The following LPA variants were observed in gnomAD, a reference collection of about 807,000 sequenced individuals.
The protein encoded by LPA is apolipoprotein(a).
A neutral mutation model predicts 197.9 loss-of-function variants in LPA; 199 were observed. The observed-to-expected ratio is 1.01, with a 90% CI of 0.90 to 1.13. LPA has a LOEUF of 1.13. Among genes scored for constraint, LPA ranks in the 50% most tolerant of loss-of-function variants. The pLI is 0.00. For synonymous variants in LPA, 715 were observed against 639.5 expected (o/e 1.12, Z -1.78); for missense variants, 1,853 against 1,785.8 (o/e 1.04, Z -0.68).
chr6:160,651,811 G>A (rs1196741821), intron 1 of LPA, among the ~76,000 whole-genome samples: 1 of 152,090 alleles, frequency 6.6e-6, no homozygotes, highest in Non-Finnish European at 1.5e-5. Flanking sequence ...TCCATGGATA[G>A]GGGGAGAATT....
At position 160,578,657 on chromosome 6, in the gene LPA, G is replaced by C. The variant is rs1273324292; in HGVS notation, c.4337C>G (p.Pro1446Arg). The change falls in exon 27 of 39, where the codon CCT becomes CGT. Residue 1446 changes from proline (P) to arginine (R), a missense_variant. By Grantham distance (103) the Pro-to-Arg change is moderately radical (BLOSUM62 -2). This residue lies in a region of LPA where 1,737 missense variants were observed against 1,504.4 expected (regional missense o/e 1.15). Coordinates refer to ENST00000316300, the MANE Select transcript of LPA (RefSeq NM_005577.4). ...ACTGGGATCCATGGTGTAACACCAA[G>C]GGCGAATCTCAGCATCTGGATTCCT... Reference protein sequence around the residue: ...YCRNPDAEIRPWCYTMDPSVR... With the variant: ...YCRNPDAEIRRWCYTMDPSVR... 4 of 1,613,816 alleles carry C rather than the reference G, an allele frequency of 2.5e-6. No individual in the cohort carries two copies. In the East Asian group the frequency reaches 6.7e-5, roughly 27 times the overall value.
intron 26 of LPA, among the ~76,000 whole-genome samples, chr6:160,580,933 G>T (rs1379978222): frequency 2.0e-5 from 3 of 152,046 alleles, no homozygotes; most frequent in African/African-American, 7.2e-5. Context: ...ATTATCATTT[G>T]TTTTCTTTTA....
chr6:160,573,388 T>A (rs1778597997), intron 28 of LPA, among the ~76,000 whole-genome samples: 1 of 152,138 alleles, frequency 6.6e-6, no homozygotes, highest in Admixed American at 6.6e-5. Context: ...TGCCTTTCTC[T>A]GGTCCCTCCC....
intron 26 of LPA, among the ~76,000 whole-genome samples, chr6:160,583,119 G>GA (rs1778831512): frequency 6.6e-6 from 1 of 151,802 alleles, no homozygotes; most frequent in East Asian, 1.9e-4. Flanking sequence ...ACACAATTAT[G>GA]ATACATACAT....
intron 37 of LPA, among the ~76,000 whole-genome samples, chr6:160,535,998 T>C (rs895697956): frequency 6.6e-6 from 1 of 152,114 alleles, no homozygotes; most frequent in Non-Finnish European, 1.5e-5. Flanking sequence ...CCCTTATGGG[T>C]ATTAGTGGGG....
At chr6:160,608,753 T>A (rs143496036) in intron 16 of LPA, among the ~76,000 whole-genome samples, 6 of 152,186 alleles carry the variant, frequency 3.9e-5, no homozygotes, top group African/African-American at 1.4e-4. Context: ...ATGCAGGAAA[T>A]CTTTTCCTAT....
At chr6:160,537,154 G>A (rs756245459) in intron 37 of LPA, among the ~76,000 whole-genome samples, 6 of 152,132 alleles carry the variant, frequency 3.9e-5, no homozygotes, top group South Asian at 2.1e-4. Flanking sequence ...TAAGGCTGAC[G>A]GATATAATTA....
chr6:160,660,914 A>T (rs901700524), intron 1 of LPA, among the ~76,000 whole-genome samples: 5 of 152,188 alleles, frequency 3.3e-5, no homozygotes, highest in African/African-American at 1.2e-4. Context: ...GGAAATTGTA[A>T]AAAAGCAGAA....
At chr6:160,597,732 G>A (rs1041170274) in intron 20 of LPA, among the ~76,000 whole-genome samples, 29 of 152,270 alleles carry the variant, frequency 1.9e-4, no homozygotes, top group African/African-American at 6.5e-4. Context: ...ATACTAATAT[G>A]TCAAATTCTC....
chr6:160,543,438 A>C, intron 33 of LPA, among the ~76,000 whole-genome samples: 1 of 152,256 alleles, frequency 6.6e-6, no homozygotes, highest in East Asian at 1.9e-4. Context: ...AATATAGTTA[A>C]TAATTATTCA....
chr6:160,545,655 T>A (rs1367406299), intron 32 of LPA, 122 bp from the exon 33 acceptor site: 11 of 719,162 alleles, frequency 1.5e-5, no homozygotes. Flanking sequence ...CTTCTTCCTT[T>A]CTATCATTAT....
At chr6:160,656,797 G>A (rs1357647499) in intron 1 of LPA, among the ~76,000 whole-genome samples, 2 of 152,174 alleles carry the variant, frequency 1.3e-5, no homozygotes, top group Non-Finnish European at 2.9e-5. Flanking sequence ...AATTGATTGA[G>A]GGCCCATGAT....
intron 24 of LPA, among the ~76,000 whole-genome samples, chr6:160,587,706 T>C (rs185750776): frequency 1.3e-5 from 2 of 152,130 alleles, no homozygotes; most frequent in East Asian, 3.9e-4. Flanking sequence ...TGTGTGGATT[T>C]TTCCTAGATG....
At chr6:160,658,291 T>C (rs189732368) in intron 1 of LPA, among the ~76,000 whole-genome samples, 2 of 152,314 alleles carry the variant, frequency 1.3e-5, no homozygotes, top group Admixed American at 1.3e-4. Flanking sequence ...GCCCTCACTT[T>C]AACAGTAAAC....
At chr6:160,610,552 G>A (rs555158280) in intron 16 of LPA, among the ~76,000 whole-genome samples, 2 of 152,156 alleles carry the variant, frequency 1.3e-5, no homozygotes, top group Admixed American at 6.5e-5. Flanking sequence ...AATGTTCTTT[G>A]CCACACTTTC....
chr6:160,581,431 C>T (rs1778799980), intron 26 of LPA, among the ~76,000 whole-genome samples: 1 of 152,086 alleles, frequency 6.6e-6, no homozygotes. Flanking sequence ...TCCTGAATAG[C>T]TGGGACTACA....
At chr6:160,532,415 G>T in intron 38 of LPA, 116 bp downstream of exon 38, 1 of 807,192 alleles carries the variant, frequency 1.2e-6, no homozygotes, top group Non-Finnish European at 2.2e-6. Context: ...GCAACACTTA[G>T]ACTGGGGTCT....
chr6:160,540,964 C>A, intron 35 of LPA, 143 bp downstream of exon 35: 1 of 729,426 alleles, frequency 1.4e-6, no homozygotes, highest in South Asian at 1.5e-5. Context: ...CATGCATTCC[C>A]TGGTTCCTAG....
rs989920093 is a variant in LPA, at chr6:160,561,415, T to C, written c.4632-3844A>G. ...TATTTCTGAGGCCTCTGTTCTGTTC[T>C]ATTGGTCTATATATCTGTTTTGGTA... On this transcript the variant is annotated intron_variant, in intron 28 of 38. Transcript: ENST00000316300. 1.3e-5 allele frequency among the ~76,000 whole-genome samples: 2 copies of C among 152,154 alleles called. 1 individual carries two copies. The highest frequency in any genetic ancestry group is 3.9e-4 in the East Asian group (2 of 5,194).
Sources: gnomAD v4.1 joint callset for allele counts (sites outside exome capture counted in the v4.1 genomes callset) on GRCh38, gnomAD v4.1.1 for gene constraint, gnomAD v4.1.1 regional missense constraint, MANE v1.5 for transcripts, NCBI Gene and HGNC (gene_info 2026-07-23, HGNC 2026-07-21) for gene names.